Variants in SAMD4B observed in about 807,000 individuals in gnomAD.
SAMD4B encodes the protein protein Smaug homolog 2.
Under a neutral mutation model 74.5 loss-of-function variants are expected in SAMD4B, and 5 were observed. That is an observed-to-expected ratio of 0.07 (90% confidence interval 0.04 to 0.14). The LOEUF (loss-of-function observed/expected upper bound fraction) is 0.14, where lower values mean the gene tolerates loss of function less well. Among genes scored for constraint, SAMD4B ranks in the 10% least tolerant of loss-of-function variants. SAMD4B has a pLI of 1.00. For missense variants in SAMD4B, 608 were observed against 921.8 expected, an observed-to-expected ratio of 0.66 and a Z score of 4.41; for synonymous variants, 373 against 374.9, an observed-to-expected ratio of 1.00 and a Z score of 0.06.
At chr19:39,388,891 A>G (rs2078311078), downstream of SAMD4B, 1 of 1,611,508 alleles carries the variant, frequency 6.2e-7, no homozygotes, top group African/African-American at 1.3e-5. Context: ...CACTGGGGTT[A>G]GATGGGAACA....
chr19:39,366,457 T>A (rs2076969703), intron 3 of SAMD4B, among the ~76,000 whole-genome samples: 1 of 152,164 alleles, frequency 6.6e-6, no homozygotes, highest in South Asian at 2.1e-4. Flanking sequence ...AGAGCGAGAC[T>A]CCATCTCAGA....
At chr19:39,388,486 G>T, downstream of SAMD4B, 1 of 1,614,120 alleles carries the variant, frequency 6.2e-7, no homozygotes, top group Non-Finnish European at 8.5e-7. Context: ...GAGGGCACAG[G>T]TTCAGCCCCA....
chr19:39,369,964 G>A lies in SAMD4B; in HGVS notation c.506G>A (p.Arg169His), dbSNP rs763187161. The A allele has an allele frequency of 7.4e-6, 12 of 1,613,628 alleles. No homozygotes were observed. The highest frequency in any genetic ancestry group is 3.3e-5 in the Admixed American group (2 of 59,964). Residue 169 changes from arginine to histidine, a missense_variant, in exon 4 of 14, where the codon CGT becomes CAT. Around this residue, in one of 9 missense-constraint regions of SAMD4B, gnomAD observed 153 missense variants for 153.0 expected, o/e 1.00. Transcript: ENST00000610417. ...CGGCCAGAGCCCTCCTACCATTCAC[G>A]TCAAGGCTCAGATGAGTGGGGGGGC... ...RSRPEPSYHS[R>H]QGSDEWGGPA...
chr19:39,350,071 T>C (rs1186184114), intron 1 of SAMD4B: 1 of 152,222 alleles, frequency 6.6e-6, no homozygotes, highest in Non-Finnish European at 1.5e-5. Context: ...TATATATTTT[T>C]GAAATAGAGT....
chr19:39,344,467 AT>A lies in SAMD4B; in HGVS notation c.-267+1893del, dbSNP rs145850891. Among the ~76,000 whole-genome samples the A allele has an allele frequency of 3.4e-3, 520 of 152,102 alleles. 3 individuals carry two copies. The highest frequency in any genetic ancestry group is 0.012 in the African/African-American group (490 of 41,494). On this transcript the variant is annotated intron_variant, in intron 1 of 13. Transcript: ENST00000610417. ...CACTTTTTAGAGAATTTTCTCCCAA[AT>A]TGCCCTCCATCAGCCACCCACTCCC...
chr19:39,379,888 C>G (rs11667792), intron 9 of SAMD4B, 78 bp from the exon 10 acceptor site: 53,848 of 1,246,550 alleles, frequency 0.043, 1,331 homozygotes, highest in African/African-American at 0.05. Context: ...AATATTTGAA[C>G]AAATGAATGG....
chr19:39,389,354 C>T (rs1464239194), downstream of SAMD4B: 1 of 1,614,182 alleles, frequency 6.2e-7, no homozygotes, highest in South Asian at 1.1e-5. This position sits in a 1 kb window ranked among gnomAD's most constrained non-coding sequence, Gnocchi z 5.3. Flanking sequence ...CTTTCGCATC[C>T]ATGGCACCAC....
At chr19:39,349,019 C>T (rs2075864062) in intron 1 of SAMD4B, among the ~76,000 whole-genome samples, 1 of 152,140 alleles carries the variant, frequency 6.6e-6, no homozygotes, top group Non-Finnish European at 1.5e-5. Context: ...GATGACAAAA[C>T]AGGCATGGCA....
rs201093703 is a variant in SAMD4B, at chr19:39,366,931, A to G, written c.197-2724A>G. On this transcript the variant is annotated intron_variant, in intron 3 of 13. Coordinates refer to ENST00000610417, the MANE Select transcript of SAMD4B (RefSeq NM_001384574.2). The stretch of plus-strand genomic sequence containing the variant: ...GCCCAGAGATTTGGCTTGTGCCTTT[A>G]GAATCTCTGTGTGTATCTGAAAGGA... Among the ~76,000 whole-genome samples, 246 of 152,326 alleles carry G rather than the reference A, an allele frequency of 1.6e-3. 1 individual carries two copies. The highest frequency in any genetic ancestry group is 2.9e-3 in the Non-Finnish European group (197 of 68,024).
intron 1 of SAMD4B, among the ~76,000 whole-genome samples, chr19:39,344,800 G>C (rs940400318): frequency 1.2e-4 from 18 of 152,188 alleles, no homozygotes; most frequent in Middle Eastern, 6.8e-3. Flanking sequence ...AGTGCTCCGA[G>C]ATCTTTCTTT....
Position 39,374,805 on chromosome 19 carries a change from C to T in SAMD4B, c.668-845C>T, listed in dbSNP as rs555361595. Among the ~76,000 whole-genome samples the T allele has an allele frequency of 2.3e-3, 355 of 152,334 alleles. 1 individual carries two copies. The highest frequency in any genetic ancestry group is 8.2e-3 in the African/African-American group (340 of 41,568). On this transcript the variant is annotated intron_variant, in intron 4 of 13. Coordinates refer to ENST00000610417, the MANE Select transcript of SAMD4B (RefSeq NM_001384574.2). The stretch of plus-strand genomic sequence containing the variant: ...GCAGTGAGCCCAGATCGTGCCACTG[C>T]ACTCTGGCCTAGTGACAGAGCAAGA...
At chr19:39,388,568 T>TG, downstream of SAMD4B, 1 of 1,613,368 alleles carries the variant, frequency 6.2e-7, no homozygotes, top group East Asian at 2.2e-5. Flanking sequence ...ACACATCATC[T>TG]GGTGCATAGT....
In SAMD4B at chr19:39,385,601, A is replaced by G. The variant is rs1197301794; in HGVS notation, c.*2074A>G. On this transcript the variant is annotated 3_prime_UTR_variant, in exon 14 of 14. Transcript: ENST00000610417. ...CAGAATCAGCTTTGAGTAACTGTAC[A>G]GTTTTTCTCGCTGTTGGAGAAGACT... is the stretch of plus-strand genomic sequence containing the variant. The G allele has an allele frequency of 3.9e-6, 2 of 510,870 alleles. No individual in the cohort carries two copies. Among genetic ancestry groups the G allele is most frequent in the African/African-American group, 1.9e-5 (1 of 51,416 alleles). 31.6% of individuals were successfully genotyped at this position (510,870 alleles called of 1,614,324 possible). A position where few individuals can be genotyped will look rare whatever the true frequency, so the allele number is the denominator to read the frequency against.
chr19:39,376,855 G>C, intron 7 of SAMD4B, 64 bp downstream of exon 7: 1 of 1,449,358 alleles, frequency 6.9e-7, no homozygotes. Context: ...GTAGACCAAA[G>C]GCCCTGAGTT....
intron 3 of SAMD4B, among the ~76,000 whole-genome samples, chr19:39,361,456 A>C (rs2076643030): frequency 6.6e-6 from 1 of 151,024 alleles, no homozygotes; most frequent in Non-Finnish European, 1.5e-5. Flanking sequence ...CTCTACTAAA[A>C]ATACAAAAAA....
chr19:39,345,381 G>A (rs1198657575), intron 1 of SAMD4B, among the ~76,000 whole-genome samples: 3 of 152,186 alleles, frequency 2.0e-5, no homozygotes, highest in Admixed American at 6.5e-5. Context: ...CTTTTGAATG[G>A]TTTCTTTTCA....
rs562744459 is a variant in SAMD4B at position 39,376,342 on chromosome 19, T to G, written c.908-95T>G. 27 of 1,035,814 alleles carry G rather than the reference T, an allele frequency of 2.6e-5. No individual in the cohort carries two copies. In the African/African-American group the frequency reaches 3.2e-4, roughly 12 times the overall value. 64.2% of individuals were successfully genotyped at this position (1,035,814 alleles called of 1,614,324 possible). ...ACCCCCTCCCAATTTTTTGCATCTT[T>G]TGAGGCTTCCTGTGGGTTTATCCCC... On this transcript the variant is annotated intron_variant, in intron 5 of 13. Coordinates refer to ENST00000610417, the MANE Select transcript of SAMD4B (RefSeq NM_001384574.2).
At chr19:39,386,931 T>C (rs555023233), downstream of SAMD4B, 4 of 664,992 alleles carry the variant, frequency 6.0e-6, no homozygotes, top group South Asian at 6.7e-5. This position sits in a 1 kb window ranked among gnomAD's most constrained non-coding sequence, Gnocchi z 6.1. Flanking sequence ...TGGGAATAAA[T>C]ACAGATTGAA....
intron 4 of SAMD4B, among the ~76,000 whole-genome samples, chr19:39,370,837 C>T (rs773510107): frequency 6.6e-6 from 1 of 152,248 alleles, no homozygotes; most frequent in African/African-American, 2.4e-5. Flanking sequence ...GTCCGCATCA[C>T]AACCGTATCA....
Sources: gnomAD v4.1 joint callset for allele counts (sites outside exome capture counted in the v4.1 genomes callset) on GRCh38, gnomAD v4.1.1 for gene constraint, gnomAD v4.1.1 regional missense constraint, Gnocchi (gnomAD v3.1) non-coding constraint, MANE v1.5 for transcripts, NCBI Gene and HGNC (gene_info 2026-07-23, HGNC 2026-07-21) for gene names.